KIAA0319L: variants seen among roughly 807,000 people sequenced by gnomAD.
KIAA0319L encodes dyslexia-associated protein KIAA0319-like protein.
In KIAA0319L, 55 loss-of-function variants were observed where a neutral mutation model predicts 120.1. The ratio of observed to expected loss-of-function variants is 0.46; its 90% CI spans 0.37 to 0.57. The LOEUF (loss-of-function observed/expected upper bound fraction) is 0.57, where lower values mean the gene tolerates loss of function less well. Among genes scored for constraint, KIAA0319L ranks in the 20% least tolerant of loss-of-function variants. The probability of loss-of-function intolerance (pLI) is 0.00; values close to 1 mark genes in which losing one functional copy is unlikely to be tolerated. For synonymous variants in KIAA0319L, 398 were observed against 471.9 expected, an observed-to-expected ratio of 0.84 and a Z score of 2.03; for missense variants, 1,049 against 1,255.3, an observed-to-expected ratio of 0.84 and a Z score of 2.48.
intron 3 of KIAA0319L, among the ~76,000 whole-genome samples, chr1:35,482,845 A>G (rs936208618): frequency 2.6e-5 from 4 of 152,210 alleles, no homozygotes; most frequent in Non-Finnish European, 5.9e-5. Context: ...CATTTTCTGA[A>G]GTTGTTATGA....
In KIAA0319L at chr1:35,545,405, C is replaced by T. The variant is rs540079897; in HGVS notation, c.142+8945G>A. Reference sequence around the variant, plus strand: ...AAGCCTAAGGCCACACAGAGTATAACATGGTATAATCATAGAGAGATGCAT... The same window carrying T: ...AAGCCTAAGGCCACACAGAGTATAATATGGTATAATCATAGAGAGATGCAT... On this transcript the variant is annotated intron_variant, in intron 2 of 20. Coordinates refer to ENST00000325722, the MANE Select transcript of KIAA0319L (RefSeq NM_024874.5). 3.3e-5 allele frequency among the ~76,000 whole-genome samples: 5 copies of T among 152,302 alleles called. No individual in the cohort carries two copies. In the South Asian group the frequency reaches 1.0e-3, roughly 32 times the overall value.
chr1:35,459,440 C>T (rs1167939046), intron 9 of KIAA0319L, among the ~76,000 whole-genome samples: 2 of 151,634 alleles, frequency 1.3e-5, no homozygotes, highest in African/African-American at 2.4e-5. Flanking sequence ...ACTAAAAATA[C>T]AAAAAAATTA....
At chr1:35,512,127 AG>A (rs1645471524) in intron 2 of KIAA0319L, among the ~76,000 whole-genome samples, 1 of 151,864 alleles carries the variant, frequency 6.6e-6, no homozygotes, top group South Asian at 2.1e-4. Flanking sequence ...AAAATTAGCC[AG>A]GTGTGGTGGC....
intron 15 of KIAA0319L, among the ~76,000 whole-genome samples, chr1:35,448,553 CAT>C (rs1442679736): frequency 1.3e-5 from 2 of 152,116 alleles, no homozygotes; most frequent in Admixed American, 6.5e-5. Flanking sequence ...AATTCCCACA[CAT>C]GTGCTGGGGA....
Position 35,552,689 on chromosome 1 carries a change from T to C in KIAA0319L, c.142+1661A>G, listed in dbSNP as rs926135980. Among the ~76,000 whole-genome samples the C allele has an allele frequency of 3.9e-5, 6 of 152,106 alleles. No homozygotes were observed. In the East Asian group the frequency reaches 5.8e-4, roughly 15 times the overall value. ...GGTGTCTGCAATCCCAGCTATTCAG[T>C]AGGCCAAAGTTGGAGGATCGACTGA... On this transcript the variant is annotated intron_variant, in intron 2 of 20. Coordinates refer to ENST00000325722, the MANE Select transcript of KIAA0319L (RefSeq NM_024874.5).
intron 1 of KIAA0319L, 111 bp from the exon 2 acceptor site, chr1:35,554,630 T>C (rs887925017): frequency 4.0e-6 from 3 of 753,622 alleles, no homozygotes; most frequent in Non-Finnish European, 6.1e-6. Flanking sequence ...AATTTCAAGT[T>C]TGTCTTTAAC....
rs546179797 is a variant in KIAA0319L, at chr1:35,522,142, G to T, written c.143-15007C>A. Among the ~76,000 whole-genome samples, 4 of 152,140 alleles carry T rather than the reference G, an allele frequency of 2.6e-5. No individual in the cohort carries two copies. The South Asian group carries it at 8.3e-4, about 32-fold the overall frequency. ...ATAGCATGCCACAATTTGTTGAGGG[G>T]GGAGAAAATATATATATATGCACAT... On this transcript the variant is annotated intron_variant, in intron 2 of 20. Coordinates refer to ENST00000325722, the MANE Select transcript of KIAA0319L (RefSeq NM_024874.5).
chr1:35,474,984 C>T (rs1330222430), intron 4 of KIAA0319L, 78 bp from the exon 5 acceptor site: 3 of 826,996 alleles, frequency 3.6e-6, no homozygotes, highest in Non-Finnish European at 5.9e-6. Flanking sequence ...TGTGATCAAA[C>T]TCCTTTCATG....
chr1:35,514,666 G>A (rs935911502), intron 2 of KIAA0319L, among the ~76,000 whole-genome samples: 1 of 152,172 alleles, frequency 6.6e-6, no homozygotes, highest in African/African-American at 2.4e-5. Context: ...AATGGTTAAA[G>A]GGTCAATTCA....
intron 4 of KIAA0319L, among the ~76,000 whole-genome samples, chr1:35,476,053 A>G (rs555738741): frequency 7.2e-5 from 11 of 152,356 alleles, no homozygotes; most frequent in African/African-American, 2.4e-4. Flanking sequence ...ATTTCAGTTC[A>G]AACTGATCTA....
chr1:35,503,364 A>AGT lies in KIAA0319L; in HGVS notation c.666+3246_666+3247dup, dbSNP rs1370032772. The stretch of plus-strand genomic sequence containing the variant: ...TTCTAACCTTCCTGCCCTATAAGGC[A>AGT]GTGGTTCTGGTCCCTGGGCAGCAGC... On this transcript the variant is annotated intron_variant, in intron 3 of 20. Transcript: ENST00000325722. Among the ~76,000 whole-genome samples, 4 of 152,324 alleles carry AGT rather than the reference A, an allele frequency of 2.6e-5. No homozygotes were observed. In the East Asian group the frequency reaches 7.7e-4, roughly 29 times the overall value.
At position 35,434,753 on chromosome 1, in the gene KIAA0319L, C is replaced by G; in HGVS notation, c.*141G>C. On this transcript the variant is annotated 3_prime_UTR_variant, in exon 21 of 21. Transcript: ENST00000325722. ...GGTTCCTGGAGGACGTCTCTGGATT[C>G]AAGTCCCAGGGGTTCTGGTTGGGAC... 1.5e-6 allele frequency: 1 copy of G among 661,730 alleles called. No homozygotes were observed. The highest frequency in any genetic ancestry group is 2.9e-5 in the East Asian group (1 of 34,348). 41.0% of individuals were successfully genotyped at this position (661,730 alleles called of 1,614,324 possible).
chr1:35,443,155 C>A, intron 17 of KIAA0319L, 127 bp from the exon 18 acceptor site: 1 of 1,118,356 alleles, frequency 8.9e-7, no homozygotes, highest in Non-Finnish European at 1.3e-6. Context: ...CCTCGAGACC[C>A]ACCTTGGGCA....
At chr1:35,480,062 G>C (rs1003421664) in intron 3 of KIAA0319L, among the ~76,000 whole-genome samples, 1 of 148,668 alleles carries the variant, frequency 6.7e-6, no homozygotes, top group Non-Finnish European at 1.5e-5. Flanking sequence ...TAAAGAAAAA[G>C]GCTTCCTGAA....
In KIAA0319L at chr1:35,442,481, G is replaced by A. The variant is rs1460053417; in HGVS notation, c.2780-145C>T. The A allele has an allele frequency of 4.4e-6, 3 of 684,274 alleles. No homozygotes were observed. The South Asian group carries it at 5.1e-5, about 12-fold the overall frequency. 42.4% of individuals were successfully genotyped at this position (684,274 alleles called of 1,614,324 possible). The stretch of plus-strand genomic sequence containing the variant: ...CAGGAAGGTAAGACCTTGGAGTTAA[G>A]GGCAGCTGAAGCTTTAAACCTTTTG... On this transcript the variant is annotated intron_variant, in intron 18 of 20. Transcript: ENST00000325722.
chr1:35,442,217 A>T, intron 19 of KIAA0319L, 29 bp downstream of exon 19: 1 of 1,534,586 alleles, frequency 6.5e-7, no homozygotes, highest in South Asian at 1.1e-5. Flanking sequence ...AAGAAGCCCG[A>T]ATGAATTTCA....
At chr1:35,521,534 TGAG>T (rs1432121588) in intron 2 of KIAA0319L, among the ~76,000 whole-genome samples, 2 of 151,060 alleles carry the variant, frequency 1.3e-5, no homozygotes, top group African/African-American at 4.9e-5. Flanking sequence ...CTCTGGAAGC[TGAG>T]GAGGGAGAAT....
intron 3 of KIAA0319L, among the ~76,000 whole-genome samples, chr1:35,499,795 A>C (rs76445905): frequency 2.6e-5 from 4 of 151,508 alleles, no homozygotes; most frequent in African/African-American, 9.7e-5. Context: ...AAAAAAAAAA[A>C]CCCTGAAAAA....
rs1642271934 is a variant in KIAA0319L at position 35,454,217 on chromosome 1, G to A, written c.1780+145C>T. On this transcript the variant is annotated intron_variant, in intron 11 of 20. Transcript: ENST00000325722. ...TCTAGCTATGAAGAAAGCACAAGGG[G>A]AAGGAACAATAGAAGTCACCAGAGG... 4.1e-6 allele frequency: 3 copies of A among 740,542 alleles called. No homozygotes were observed. The South Asian group carries it at 6.2e-5, about 15-fold the overall frequency. The allele number at this position is 740,542 out of a possible 1,614,324, so 45.9% of individuals were successfully genotyped here. A position where few individuals can be genotyped will look rare whatever the true frequency, so the allele number is the denominator to read the frequency against.
Sources: allele counts gnomAD v4.1 joint callset (sites outside exome capture counted in the v4.1 genomes callset), GRCh38; gene constraint gnomAD v4.1.1; transcripts MANE v1.5; gene names NCBI Gene and HGNC (gene_info 2026-07-23, HGNC 2026-07-21).